METAP1: variants seen among roughly 807,000 people sequenced by gnomAD.
The protein encoded by METAP1 is methionine aminopeptidase 1.
In METAP1, 28 loss-of-function variants were observed where a neutral mutation model predicts 53.8. That is an observed-to-expected ratio of 0.52 (90% CI 0.39 to 0.71). The LOEUF is 0.71. METAP1 is among the 30% of genes least tolerant of loss of function. The pLI is 0.00. For missense variants in METAP1, 389 were observed against 479.8 expected, an observed-to-expected ratio of 0.81 and a Z score of 1.77; for synonymous variants, 181 against 165.7, an observed-to-expected ratio of 1.09 and a Z score of -0.71.
chr4:99,045,696 A>T (rs1028572162), intron 8 of METAP1, among the ~76,000 whole-genome samples: 2 of 152,106 alleles, frequency 1.3e-5, no homozygotes, highest in Non-Finnish European at 2.9e-5. Context: ...ATCCTCCTTT[A>T]CACTTGCCTC....
Position 99,039,463 on chromosome 4 carries a change from A to G in METAP1, c.430A>G (p.Arg144Gly), listed in dbSNP as rs1341579153. 2.5e-6 allele frequency: 4 copies of G among 1,584,046 alleles called. No homozygotes were observed. The highest frequency in any genetic ancestry group is 3.5e-6 in the Non-Finnish European group (4 of 1,155,226). ...EDIEGMRLVC[R>G]LAREVLDVAA... ...TATAGAAGGGATGCGACTTGTATGT[A>G]GGGTAAGAGTGATTTTTTCTCCATG... The change falls in exon 5 of 11, where the codon AGG (arginine) becomes GGG (glycine). Residue 144 changes from arginine (R) to glycine (G), a missense_variant and splice_region_variant. Transcript: ENST00000296411.
intron 1 of METAP1, chr4:99,022,587 C>T (rs1724205785): frequency 1.5e-6 from 1 of 661,762 alleles, no homozygotes; most frequent in Non-Finnish European, 2.7e-6. Context: ...AGAAGATGGT[C>T]TCACACTTGG....
At chr4:99,020,220 T>C (rs1025841020) in intron 1 of METAP1, among the ~76,000 whole-genome samples, 1 of 152,066 alleles carries the variant, frequency 6.6e-6, no homozygotes, top group Non-Finnish European at 1.5e-5. Flanking sequence ...TAAAAACTGG[T>C]CAATTTGCTC....
At chr4:99,026,622 TAAG>T (rs1429854180) in intron 1 of METAP1, 2 of 985,296 alleles carry the variant, frequency 2.0e-6, no homozygotes, top group Non-Finnish European at 1.2e-6. Flanking sequence ...ATTGCCCTGT[TAAG>T]GAGTCAGAAA....
chr4:99,026,182 T>C (rs1029441322), intron 1 of METAP1: 1 of 958,652 alleles, frequency 1.0e-6, no homozygotes. Context: ...GAGACCTGTC[T>C]CAGATATTTT....
At chr4:99,054,742 A>G (rs1319594505) in intron 9 of METAP1, among the ~76,000 whole-genome samples, 3 of 152,138 alleles carry the variant, frequency 2.0e-5, no homozygotes, top group Non-Finnish European at 2.9e-5. Flanking sequence ...AGGCCATTCT[A>G]GGGCTATTAA....
chr4:99,021,667 A>G (rs945557119), intron 1 of METAP1, among the ~76,000 whole-genome samples: 2 of 152,156 alleles, frequency 1.3e-5, no homozygotes, highest in Non-Finnish European at 2.9e-5. Context: ...TAACCTTTAC[A>G]TCCTGACACA....
At chr4:99,049,954 G>C (rs1252315290) in intron 9 of METAP1, among the ~76,000 whole-genome samples, 1 of 152,180 alleles carries the variant, frequency 6.6e-6, no homozygotes, top group Non-Finnish European at 1.5e-5. Context: ...AAGCAACTCT[G>C]TGCTTACAGA....
chr4:99,051,775 G>GTTTT (rs1022837077), intron 9 of METAP1, among the ~76,000 whole-genome samples: 1 of 146,028 alleles, frequency 6.8e-6, no homozygotes, highest in African/African-American at 2.5e-5. Context: ...ACTATTGAGG[G>GTTTT]TTTTTTTTTT....
chr4:99,057,422 A>G (rs1228659527), intron 9 of METAP1, among the ~76,000 whole-genome samples: 1 of 152,204 alleles, frequency 6.6e-6, no homozygotes, highest in Non-Finnish European at 1.5e-5. Context: ...TCTAATCATG[A>G]GGTAATAGAA....
chr4:99,018,756 T>A (rs1723921748), intron 1 of METAP1, among the ~76,000 whole-genome samples: 1 of 152,190 alleles, frequency 6.6e-6, no homozygotes, highest in Non-Finnish European at 1.5e-5. Context: ...ATAAGGGTAT[T>A]ATACGGAGAC....
chr4:99,030,625 C>T (rs1434337493), intron 2 of METAP1, among the ~76,000 whole-genome samples: 2 of 151,940 alleles, frequency 1.3e-5, no homozygotes, highest in African/African-American at 4.8e-5. Flanking sequence ...AGGGTGATCT[C>T]CAGAGACAAG....
At chr4:99,018,288 C>T (rs558165690) in intron 1 of METAP1, among the ~76,000 whole-genome samples, 8 of 152,304 alleles carry the variant, frequency 5.3e-5, no homozygotes, top group Admixed American at 2.6e-4. Flanking sequence ...TTTGGAGACC[C>T]GCAGTCCCTT....
chr4:99,020,017 G>A (rs916582491), intron 1 of METAP1, among the ~76,000 whole-genome samples: 1 of 152,040 alleles, frequency 6.6e-6, no homozygotes, highest in African/African-American at 2.4e-5. Flanking sequence ...TTCTTCTGGT[G>A]AGCAGCATTA....
Position 99,056,543 on chromosome 4 carries a change from GTTTTGTT to G in METAP1, c.932-1198_932-1192del, listed in dbSNP as rs376042204. Among the ~76,000 whole-genome samples, 1,139 of 151,048 alleles carry G rather than the reference GTTTTGTT, an allele frequency of 7.5e-3. 10 individuals carry two copies. Among genetic ancestry groups the G allele is most frequent in the African/African-American group, 0.027 (1,098 of 41,116 alleles). On this transcript the variant is annotated intron_variant, in intron 9 of 10. Transcript: ENST00000296411. Reference sequence around the variant, plus strand: ...TGGTCTCCTTAGTTGTTTGTTTTTTGTTTTGTTTTTTGTTTTTTTTGTTTGCTTGTTT... The same window carrying G: ...TGGTCTCCTTAGTTGTTTGTTTTTTGTTTTGTTTTTTTTGTTTGCTTGTTT...
At chr4:99,056,664 G>A (rs112406744) in intron 9 of METAP1, among the ~76,000 whole-genome samples, 5 of 150,150 alleles carry the variant, frequency 3.3e-5, no homozygotes, top group Admixed American at 2.0e-4. Flanking sequence ...TCAGCCTCCC[G>A]GGTTCATGCC....
At chr4:98,997,560 C>G (rs981871596) in intron 1 of METAP1, 1 of 154,426 alleles carries the variant, frequency 6.5e-6, no homozygotes, top group Non-Finnish European at 1.5e-5. Context: ...AGTAGAATAA[C>G]TTTAAAAGTA....
At position 99,043,320 on chromosome 4, in the gene METAP1, A is replaced by T. The variant is rs1213844058; in HGVS notation, c.588A>T (p.Ser196=). 1 of 1,606,702 alleles carries T rather than the reference A, an allele frequency of 6.2e-7. No individual in the cohort carries two copies. Among genetic ancestry groups the T allele is most frequent in the Non-Finnish European group, 8.5e-7 (1 of 1,175,920 alleles). The stretch of plus-strand genomic sequence containing the variant: ...ATTTCCCAAAGTCTTGTTGTACCTC[A>T]GTGAATGAAGTCATTTGCCATGGAA... ...YYNFPKSCCT[S]VNEVICHGIP... The change falls in exon 7 of 11, where the codon TCA becomes TCT. Residue 196 remains serine, a synonymous_variant. Coordinates refer to ENST00000296411, the MANE Select transcript of METAP1 (RefSeq NM_015143.3).
At chr4:99,035,325 T>C (rs985999043) in intron 3 of METAP1, 75 bp from the exon 4 acceptor site, 18 of 1,057,164 alleles carry the variant, frequency 1.7e-5, no homozygotes, top group Non-Finnish European at 2.6e-5. Context: ...CTAAAAACTT[T>C]TGAATGGACT....
Sources: allele counts gnomAD v4.1 joint callset (sites outside exome capture counted in the v4.1 genomes callset), GRCh38; gene constraint gnomAD v4.1.1; transcripts MANE v1.5; gene names NCBI Gene and HGNC (gene_info 2026-07-23, HGNC 2026-07-21).